Variants in TAF5L observed in about 807,000 individuals in gnomAD.
TAF5L encodes TAF5-like RNA polymerase II p300/CBP-associated factor-associated factor 65 kDa subunit 5L.
TAF5L carries 7 observed loss-of-function variants against 51.3 expected under a neutral mutation model. The ratio of observed to expected loss-of-function variants is 0.14; its 90% CI spans 0.08 to 0.26. The LOEUF is 0.26. TAF5L is among the 10% of genes least tolerant of loss of function. The pLI is 1.00. For missense variants in TAF5L, 575 were observed against 758.9 expected (o/e 0.76, Z 2.85); for synonymous variants, 291 against 308.1 (o/e 0.94, Z 0.58).
intron 2 of TAF5L, among the ~76,000 whole-genome samples, chr1:229,613,386 A>G (rs560586474): frequency 6.6e-6 from 1 of 152,078 alleles, no homozygotes; most frequent in African/African-American, 2.4e-5. Flanking sequence ...TCATAAAGTC[A>G]TATTACATAA....
intron 1 of TAF5L, among the ~76,000 whole-genome samples, chr1:229,615,127 G>A (rs1343729801): frequency 1.3e-5 from 2 of 151,834 alleles, no homozygotes; most frequent in African/African-American, 4.8e-5. Flanking sequence ...TCGCTCTGTC[G>A]CCCAGGCTGG....
exon 5 of TAF5L, chr1:229,593,995 T>C: frequency 7.1e-6 from 2 of 280,710 alleles, no homozygotes; most frequent in Non-Finnish European, 1.4e-5. Flanking sequence ...ATGGTGAAAA[T>C]GAGAGACAGG....
chr1:229,597,218 T>C (rs1036743518), intron 4 of TAF5L, among the ~76,000 whole-genome samples: 1 of 152,212 alleles, frequency 6.6e-6, no homozygotes, highest in African/African-American at 2.4e-5. Context: ...TAACTGTGAA[T>C]TAAAGGACAT....
intron 4 of TAF5L, among the ~76,000 whole-genome samples, chr1:229,596,843 C>G (rs1571827838): frequency 6.6e-6 from 1 of 152,072 alleles, no homozygotes; most frequent in Non-Finnish European, 1.5e-5. Flanking sequence ...ATTGTGGCAG[C>G]CTTAGGTTCT....
At chr1:229,619,332 A>G (rs1665121631) in intron 1 of TAF5L, among the ~76,000 whole-genome samples, 2 of 152,234 alleles carry the variant, frequency 1.3e-5, no homozygotes, top group African/African-American at 4.8e-5. Flanking sequence ...TTTCATATTC[A>G]ATCTTTGCTC....
intron 1 of TAF5L, among the ~76,000 whole-genome samples, chr1:229,618,365 C>A (rs1665081837): frequency 6.6e-6 from 1 of 152,196 alleles, no homozygotes; most frequent in Admixed American, 6.5e-5. Context: ...AAATACTCTG[C>A]TCTTCATATC....
chr1:229,614,542 A>G (rs1664903630), intron 1 of TAF5L, 57 bp from the exon 2 acceptor site: 3 of 1,596,014 alleles, frequency 1.9e-6, no homozygotes, highest in Non-Finnish European at 1.7e-6. Flanking sequence ...AGAGCAACCT[A>G]TCTAACTGCA....
chr1:229,601,336 A>G, intron 4 of TAF5L: 1 of 985,444 alleles, frequency 1.0e-6, no homozygotes, highest in Non-Finnish European at 1.2e-6. Flanking sequence ...TTTTCCATCC[A>G]AAGTAATGTG....
chr1:229,615,103 T>C (rs1664931775), intron 1 of TAF5L, among the ~76,000 whole-genome samples: 1 of 152,210 alleles, frequency 6.6e-6, no homozygotes, highest in African/African-American at 2.4e-5. Flanking sequence ...ATTTATTTAT[T>C]TTGAGACAGA....
chr1:229,605,912 G>A (rs1159303029), intron 3 of TAF5L, among the ~76,000 whole-genome samples: 1 of 152,148 alleles, frequency 6.6e-6, no homozygotes, highest in African/African-American at 2.4e-5. Flanking sequence ...TATCCATCCT[G>A]TTGGCTCTTG....
At chr1:229,609,170 G>A (rs543737204) in intron 3 of TAF5L, among the ~76,000 whole-genome samples, 2 of 152,270 alleles carry the variant, frequency 1.3e-5, no homozygotes, top group East Asian at 1.9e-4. Context: ...GAGGAAAACA[G>A]ACACAAAAGT....
In TAF5L at chr1:229,594,139, G is replaced by T; in HGVS notation, c.*158C>A. The T allele has an allele frequency of 1.2e-6, 1 of 812,488 alleles. No homozygotes were observed. 50.3% of individuals were successfully genotyped at this position (812,488 alleles called of 1,614,324 possible). On this transcript the variant is annotated 3_prime_UTR_variant, in exon 5 of 5. Coordinates refer to ENST00000258281, the Ensembl canonical transcript of TAF5L. The surrounding 1 kb of genome is among the most constrained non-coding windows in gnomAD (Gnocchi z 7.9). ...CTCCCCAACCTTGGCCTTCGACACT[G>T]GGGGGCTGAGTGAAGGGGGACCTGC...
chr1:229,617,172 G>A (rs1218093681), intron 1 of TAF5L, among the ~76,000 whole-genome samples: 1 of 152,104 alleles, frequency 6.6e-6, no homozygotes, highest in East Asian at 1.9e-4. Context: ...GATCAGCACT[G>A]CTCTATCAGT....
intron 2 of TAF5L, among the ~76,000 whole-genome samples, chr1:229,610,466 G>C (rs1039757665): frequency 3.9e-5 from 6 of 152,246 alleles, no homozygotes; most frequent in Non-Finnish European, 7.3e-5. Flanking sequence ...AGGTGAATGA[G>C]AGAGGACAGG....
chr1:229,613,093 G>A (rs947714644), intron 2 of TAF5L, among the ~76,000 whole-genome samples: 1 of 151,738 alleles, frequency 6.6e-6, no homozygotes, highest in Admixed American at 6.6e-5. Context: ...CAAGGTGGGA[G>A]GATCACTTGA....
intron 4 of TAF5L, among the ~76,000 whole-genome samples, chr1:229,597,464 G>A (rs747805732): frequency 7.9e-5 from 12 of 152,182 alleles, no homozygotes; most frequent in Non-Finnish European, 1.8e-4. Flanking sequence ...TGTTCCTGTT[G>A]GCTATCACTG....
intron 1 of TAF5L, among the ~76,000 whole-genome samples, chr1:229,615,662 T>A (rs1420153797): frequency 6.6e-6 from 1 of 152,088 alleles, no homozygotes; most frequent in South Asian, 2.1e-4. Context: ...TTGAGTTTAT[T>A]ATCAACAATG....
rs1665418055 is a variant in TAF5L at position 229,625,563 on chromosome 1, C to T, written c.-4+322G>A. Among the ~76,000 whole-genome samples, 1 of 151,902 alleles carries T rather than the reference C, an allele frequency of 6.6e-6. No individual in the cohort carries two copies. The highest frequency in any genetic ancestry group is 2.1e-4 in the South Asian group (1 of 4,818). ...CTTCCCCGCGGGCGCCCGCCACCTC[C>T]TCCCCGAGCCCGGCATCCAACCCGC... On this transcript the variant is annotated intron_variant, in intron 1 of 4. Transcript: ENST00000258281. This position sits in a 1 kb window ranked among gnomAD's most constrained non-coding sequence, Gnocchi z 4.0.
intron 2 of TAF5L, 170 bp downstream of exon 2, chr1:229,614,171 A>C (rs1664888477): frequency 3.8e-6 from 4 of 1,051,488 alleles, no homozygotes; most frequent in Non-Finnish European, 5.8e-6. Flanking sequence ...TCTAAATGAC[A>C]GACAGGGTCT....
Sources: gnomAD v4.1 joint callset for allele counts (sites outside exome capture counted in the v4.1 genomes callset) on GRCh38, gnomAD v4.1.1 for gene constraint, Gnocchi (gnomAD v3.1) non-coding constraint, MANE v1.5 for transcripts, NCBI Gene and HGNC (gene_info 2026-07-23, HGNC 2026-07-21) for gene names.